The following SMOC1 variants were observed in gnomAD, a reference collection of about 807,000 sequenced individuals.
SMOC1 encodes SPARC related modular calcium binding 1.
Under a neutral mutation model 56.3 loss-of-function variants are expected in SMOC1, and 22 were observed. That is an observed-to-expected ratio of 0.39 (90% CI 0.28 to 0.56). The LOEUF is 0.56. Among genes scored for constraint, SMOC1 ranks in the 20% least tolerant of loss-of-function variants. The probability of loss-of-function intolerance (pLI) is 0.61; values close to 1 mark genes in which losing one functional copy is unlikely to be tolerated. For synonymous variants in SMOC1, 193 were observed against 215.0 expected (o/e 0.90, Z 0.89); for missense variants, 509 against 565.4 (o/e 0.90, Z 1.01).
chr14:69,900,863 G>T (rs1404387998), intron 1 of SMOC1, among the ~76,000 whole-genome samples: 1 of 152,180 alleles, frequency 6.6e-6, no homozygotes, highest in Non-Finnish European at 1.5e-5. Context: ...ACAATGGCCT[G>T]GTCTAGCATG....
intron 5 of SMOC1, among the ~76,000 whole-genome samples, chr14:69,984,910 T>A (rs565482864): frequency 6.6e-6 from 1 of 151,418 alleles, no homozygotes; most frequent in South Asian, 2.1e-4. Flanking sequence ...GGCATGGTGA[T>A]GTGCACCTGT....
chr14:69,898,163 T>C (rs1952203), intron 1 of SMOC1, among the ~76,000 whole-genome samples: 150,897 of 152,288 alleles, frequency 0.99, 74,776 homozygotes, highest in South Asian at 1. Flanking sequence ...ATCTTTGCTC[T>C]TCTATACATA....
intron 6 of SMOC1, 184 bp from the exon 7 acceptor site, chr14:69,994,216 C>G (rs1884680622): frequency 1.4e-6 from 1 of 702,856 alleles, no homozygotes; most frequent in African/African-American, 1.7e-5. Flanking sequence ...CTCTTATGAG[C>G]TGTTGGGGAG....
intron 1 of SMOC1, among the ~76,000 whole-genome samples, chr14:69,926,468 A>G (rs1451711268): frequency 6.6e-6 from 1 of 152,210 alleles, no homozygotes; most frequent in Non-Finnish European, 1.5e-5. Context: ...AAGTGGAAAA[A>G]TTAGTGTTTA....
intron 11 of SMOC1, among the ~76,000 whole-genome samples, chr14:70,025,159 G>C (rs981862023): frequency 6.6e-6 from 1 of 152,238 alleles, no homozygotes; most frequent in African/African-American, 2.4e-5. Context: ...GCACATGAAG[G>C]ATGAGTGGCT....
intron 5 of SMOC1, among the ~76,000 whole-genome samples, chr14:69,987,307 G>GACTT (rs1884400603): frequency 1.3e-5 from 2 of 152,244 alleles, no homozygotes; most frequent in African/African-American, 4.8e-5. Context: ...AATTGAAGGG[G>GACTT]ACTTGGGATT....
chr14:69,924,186 C>T (rs1884927703), intron 1 of SMOC1, among the ~76,000 whole-genome samples: 1 of 152,216 alleles, frequency 6.6e-6, no homozygotes, highest in South Asian at 2.1e-4. Context: ...CAGGCCCCAG[C>T]CTAGAGATCA....
rs527788067 is a variant in SMOC1, at chr14:69,996,996, TA to T, written c.664+2519del. Among the ~76,000 whole-genome samples the T allele has an allele frequency of 2.9e-3, 446 of 152,358 alleles. 4 individuals are homozygous for T. Among genetic ancestry groups the T allele is most frequent in the Non-Finnish European group, 3.8e-3 (261 of 68,042 alleles). ...TGTAGTGTCTGTGACCATTTTCATCTAAATAGTAGAGTGGAATAGTTGTGAC... is the reference window on the plus strand; with the variant it reads ...TGTAGTGTCTGTGACCATTTTCATCTAATAGTAGAGTGGAATAGTTGTGAC... On this transcript the variant is annotated intron_variant, in intron 7 of 11. Transcript: ENST00000361956.
intron 9 of SMOC1, 108 bp from the exon 10 acceptor site, chr14:70,013,278 G>A (rs1885400696): frequency 1.0e-6 from 1 of 959,362 alleles, no homozygotes. Flanking sequence ...AAGTGGATTT[G>A]GCTGGACAAG....
chr14:70,005,425 G>C (rs1349793132), intron 7 of SMOC1, among the ~76,000 whole-genome samples: 1 of 152,126 alleles, frequency 6.6e-6, no homozygotes, highest in Non-Finnish European at 1.5e-5. Flanking sequence ...CTGGAGACAG[G>C]GTTCATGTTT....
chr14:69,939,116 A>G (rs184879518), intron 1 of SMOC1, among the ~76,000 whole-genome samples: 120 of 152,322 alleles, frequency 7.9e-4, no homozygotes, highest in Admixed American at 4.8e-3. Context: ...TTTCAGCCAC[A>G]TTGTGAGTTA....
At chr14:70,002,745 C>T (rs1885012584) in intron 7 of SMOC1, among the ~76,000 whole-genome samples, 1 of 152,158 alleles carries the variant, frequency 6.6e-6, no homozygotes, top group African/African-American at 2.4e-5. Flanking sequence ...GTGCAAAGTC[C>T]ACAAGTAAGA....
intron 10 of SMOC1, among the ~76,000 whole-genome samples, chr14:70,018,439 T>C (rs1054598341): frequency 6.6e-6 from 1 of 152,128 alleles, no homozygotes; most frequent in African/African-American, 2.4e-5. Flanking sequence ...GAATGGGGTG[T>C]CTGTGAAAAC....
At chr14:70,019,214 C>T (rs1885626933) in intron 10 of SMOC1, among the ~76,000 whole-genome samples, 1 of 152,332 alleles carries the variant, frequency 6.6e-6, no homozygotes, top group Non-Finnish European at 1.5e-5. Flanking sequence ...TGGGTTTCCT[C>T]ATCCCTGGAG....
chr14:69,949,349 T>C (rs1306874894), intron 1 of SMOC1, among the ~76,000 whole-genome samples: 1 of 152,142 alleles, frequency 6.6e-6, no homozygotes, highest in South Asian at 2.1e-4. Flanking sequence ...AGGCATGAGA[T>C]GCTGCTACAG....
intron 2 of SMOC1, 93 bp from the exon 3 acceptor site, chr14:69,953,327 C>T (rs770654220): frequency 1.9e-5 from 22 of 1,185,316 alleles, no homozygotes; most frequent in African/African-American, 9.0e-5. Flanking sequence ...TGTGGGCTCC[C>T]GCACAGGTGG....
intron 1 of SMOC1, among the ~76,000 whole-genome samples, chr14:69,889,935 G>T (rs1883916587): frequency 6.6e-6 from 1 of 152,042 alleles, no homozygotes; most frequent in South Asian, 2.1e-4. Context: ...AAGGACTCTT[G>T]TGATTACACT....
At chr14:70,027,133 A>G (rs780942498) in intron 11 of SMOC1, among the ~76,000 whole-genome samples, 1 of 152,184 alleles carries the variant, frequency 6.6e-6, no homozygotes, top group Non-Finnish European at 1.5e-5. Flanking sequence ...CAAGCAGCCC[A>G]GAGCTAGAAG....
chr14:69,893,763 T>C (rs1273222647), intron 1 of SMOC1, among the ~76,000 whole-genome samples: 1 of 152,150 alleles, frequency 6.6e-6, no homozygotes, highest in East Asian at 1.9e-4. Flanking sequence ...CTGAATTCTA[T>C]CTCCTTCAAA....
Sources: allele counts gnomAD v4.1 joint callset (sites outside exome capture counted in the v4.1 genomes callset), GRCh38; gene constraint gnomAD v4.1.1; transcripts MANE v1.5; gene names NCBI Gene and HGNC (gene_info 2026-07-23, HGNC 2026-07-21).